The following CORO2B variants were observed in gnomAD, a reference collection of about 807,000 sequenced individuals.
CORO2B encodes coronin-2B.
In CORO2B, 26 loss-of-function variants were observed where a neutral mutation model predicts 58.8. That is an observed-to-expected ratio of 0.44 (90% CI 0.32 to 0.61). The LOEUF (loss-of-function observed/expected upper bound fraction) is 0.61. Ranked by LOEUF, CORO2B falls within the 20% of genes least tolerant of loss-of-function variation. CORO2B has a pLI of 0.04. For missense variants in CORO2B, 460 were observed against 645.1 expected (o/e 0.71, Z 3.11); for synonymous variants, 242 against 253.8 (o/e 0.95, Z 0.44).
chr15:68,561,692 G>A, the CORO2B span, among the ~76,000 whole-genome samples: 4 of 152,228 alleles, frequency 2.6e-5, no homozygotes, highest in African/African-American at 9.6e-5. Context: ...GATTTGTTGT[G>A]ACTGTGCTCT....
In CORO2B at chr15:68,698,201, A is replaced by T. The variant is rs915606838; in HGVS notation, c.333+2945A>T. On this transcript the variant is annotated intron_variant, in intron 3 of 11. Coordinates refer to ENST00000261861, the MANE Select transcript of CORO2B (RefSeq NM_006091.5). ...ACCTGGCCTGCTCGCTGCAAAGCCC[A>T]TGCTCTGCCAAGCTTCCTCATCACA... 2.0e-5 allele frequency among the ~76,000 whole-genome samples: 3 copies of T among 152,236 alleles called. No homozygotes were observed. In the South Asian group the frequency reaches 6.2e-4, roughly 31 times the overall value.
chr15:68,558,032 G>T, the CORO2B span, among the ~76,000 whole-genome samples: 2 of 151,884 alleles, frequency 1.3e-5, no homozygotes. Flanking sequence ...ACAGTTAGGG[G>T]ATCCCTTAAC....
chr15:68,578,951 TC>T, upstream of CORO2B: 1 of 535,880 alleles, frequency 1.9e-6, no homozygotes, highest in Non-Finnish European at 2.4e-6. The surrounding 1 kb of genome is among the most constrained non-coding windows in gnomAD (Gnocchi z 4.2). Context: ...CCCCTCTTCC[TC>T]CCCCCGCCCC....
At chr15:68,567,544 G>A in the CORO2B span, among the ~76,000 whole-genome samples, 1 of 152,160 alleles carries the variant, frequency 6.6e-6, no homozygotes, top group East Asian at 1.9e-4. Flanking sequence ...TCTCACCCTG[G>A]TATGGAGAGG....
intron 3 of CORO2B, among the ~76,000 whole-genome samples, chr15:68,701,527 C>T (rs553768661): frequency 7.7e-6 from 1 of 129,626 alleles, no homozygotes; most frequent in South Asian, 2.6e-4. Context: ...GCTCTGTCGC[C>T]CAGGCTGGAG....
At chr15:68,542,593 A>G in the CORO2B span, among the ~76,000 whole-genome samples, 1 of 152,270 alleles carries the variant, frequency 6.6e-6, no homozygotes, top group African/African-American at 2.4e-5. Context: ...TTCTGGCTCC[A>G]ATGTGGAGCA....
At chr15:68,719,898 C>A (rs1242112459) in intron 11 of CORO2B, among the ~76,000 whole-genome samples, 2 of 152,226 alleles carry the variant, frequency 1.3e-5, no homozygotes, top group Admixed American at 6.5e-5. Flanking sequence ...TGTATCACAG[C>A]CCTGCCTCCC....
At chr15:68,591,421 A>G (rs1043241634) in intron 1 of CORO2B, among the ~76,000 whole-genome samples, 2 of 152,188 alleles carry the variant, frequency 1.3e-5, no homozygotes, top group Non-Finnish European at 2.9e-5. Flanking sequence ...ATGTGGCTGG[A>G]CAGGCAGGCA....
the CORO2B span, among the ~76,000 whole-genome samples, chr15:68,529,226 T>C: frequency 6.6e-6 from 1 of 152,214 alleles, no homozygotes; most frequent in Admixed American, 6.5e-5. Flanking sequence ...TTTTTTATCA[T>C]ATTTAATATG....
At chr15:68,631,383 C>T (rs949449880) in intron 1 of CORO2B, among the ~76,000 whole-genome samples, 4 of 152,168 alleles carry the variant, frequency 2.6e-5, no homozygotes, top group African/African-American at 7.2e-5. Flanking sequence ...GCTTGTTATA[C>T]ATTTTGTAAC....
At chr15:68,598,998 C>G (rs1899908371) in intron 1 of CORO2B, among the ~76,000 whole-genome samples, 1 of 152,174 alleles carries the variant, frequency 6.6e-6, no homozygotes, top group African/African-American at 2.4e-5. Flanking sequence ...ATTCCTAGAG[C>G]CTGTCGCCCC....
the CORO2B span, among the ~76,000 whole-genome samples, chr15:68,570,005 C>T: frequency 5.3e-5 from 8 of 152,294 alleles, no homozygotes; most frequent in South Asian, 4.1e-4. Flanking sequence ...TGGGAAAGTT[C>T]TCACCTGCAG....
intron 2 of CORO2B, among the ~76,000 whole-genome samples, chr15:68,692,793 C>G (rs1471566594): frequency 6.6e-6 from 1 of 151,260 alleles, no homozygotes; most frequent in African/African-American, 2.4e-5. Context: ...ACCACCATGC[C>G]TGGCTAATTT....
intron 2 of CORO2B, among the ~76,000 whole-genome samples, chr15:68,670,860 G>A (rs1048449880): frequency 1.3e-5 from 2 of 152,186 alleles, no homozygotes; most frequent in African/African-American, 4.8e-5. Flanking sequence ...TGACAGGAGT[G>A]TAAATTAGTA....
At position 68,626,683 on chromosome 15, in the gene CORO2B, A is replaced by G. The variant is rs530282366; in HGVS notation, c.16-18477A>G. Among the ~76,000 whole-genome samples, 4 of 152,332 alleles carry G rather than the reference A, an allele frequency of 2.6e-5. No individual in the cohort carries two copies. The East Asian group carries it at 5.8e-4, about 22-fold the overall frequency. ...TCATTCTCACTGTGGGGAGCTCAAGAATACAGAGGCTCAGGCCCCATCATC... is the reference window on the plus strand; with the variant it reads ...TCATTCTCACTGTGGGGAGCTCAAGGATACAGAGGCTCAGGCCCCATCATC... On this transcript the variant is annotated intron_variant, in intron 1 of 11. Transcript: ENST00000261861.
At chr15:68,527,851 T>C in the CORO2B span, among the ~76,000 whole-genome samples, 82 of 152,292 alleles carry the variant, frequency 5.4e-4, 1 homozygote, top group African/African-American at 1.9e-3. Context: ...CTTACACATA[T>C]TTTGTCAAAT....
chr15:68,573,453 G>T, the CORO2B span, among the ~76,000 whole-genome samples: 1 of 152,138 alleles, frequency 6.6e-6, no homozygotes, highest in South Asian at 2.1e-4. Flanking sequence ...GGGGATGGCA[G>T]CAGAGAGGTG....
intron 2 of CORO2B, among the ~76,000 whole-genome samples, chr15:68,690,505 CAT>C (rs1892330512): frequency 6.6e-6 from 1 of 152,188 alleles, no homozygotes; most frequent in South Asian, 2.1e-4. Context: ...ACTACGCACA[CAT>C]ACACACTTTC....
At chr15:68,607,296 C>CATCT (rs1408114431) in intron 1 of CORO2B, among the ~76,000 whole-genome samples, 1 of 149,284 alleles carries the variant, frequency 6.7e-6, no homozygotes, top group Non-Finnish European at 1.5e-5. Flanking sequence ...TTGACTGGAG[C>CATCT]ATCTACACAT....
Sources: gnomAD v4.1 joint callset for allele counts (sites outside exome capture counted in the v4.1 genomes callset) on GRCh38, gnomAD v4.1.1 for gene constraint, Gnocchi (gnomAD v3.1) non-coding constraint, MANE v1.5 for transcripts, NCBI Gene and HGNC (gene_info 2026-07-23, HGNC 2026-07-21) for gene names.